CA10: variants seen among roughly 807,000 people sequenced by gnomAD.
The protein encoded by CA10 is carbonic anhydrase 10 (inactive).
CA10 carries 14 observed loss-of-function variants against 44.2 expected under a neutral mutation model. The observed-to-expected ratio is 0.32, with a 90% confidence interval of 0.21 to 0.50. The LOEUF (loss-of-function observed/expected upper bound fraction) is 0.50. CA10 is among the 20% of genes least tolerant of loss of function. CA10 has a pLI of 0.99. For missense variants in CA10, 350 were observed against 409.7 expected (o/e 0.85, Z 1.26); for synonymous variants, 159 against 141.6 (o/e 1.12, Z -0.87).
chr17:52,030,481 CA>C (rs1986432901), intron 2 of CA10, among the ~76,000 whole-genome samples: 1 of 152,150 alleles, frequency 6.6e-6, no homozygotes, highest in South Asian at 2.1e-4. Context: ...AATGGAAGCA[CA>C]GGAGGCACAA....
At chr17:51,671,891 T>C (rs934613904) in intron 4 of CA10, among the ~76,000 whole-genome samples, 7 of 152,216 alleles carry the variant, frequency 4.6e-5, no homozygotes, top group Non-Finnish European at 8.8e-5. Flanking sequence ...CATTAAAATA[T>C]GGGCTTGACT....
chr17:51,786,306 CT>C (rs1906281162), intron 3 of CA10, among the ~76,000 whole-genome samples: 1 of 151,882 alleles, frequency 6.6e-6, no homozygotes, highest in Non-Finnish European at 1.5e-5. Context: ...AATCCCAGCA[CT>C]TTGGGAGGCT....
In CA10 at chr17:51,691,621, TA is replaced by T. The variant is rs377135337; in HGVS notation, c.466-37886del. On this transcript the variant is annotated intron_variant, in intron 4 of 8. Transcript: ENST00000451037. ...TTGCTTGTGCTTTTGTGTTCATATA[TA>T]AAAAAAATCATTGCCTAAACTAATG... is the stretch of plus-strand genomic sequence containing the variant. 2.0e-5 allele frequency among the ~76,000 whole-genome samples: 3 copies of T among 152,058 alleles called. 1 individual carries two copies. The highest frequency in any genetic ancestry group is 2.0e-4 in the Admixed American group (3 of 15,278).
At position 51,822,449 on chromosome 17, in the gene CA10, AAAAC is replaced by A. The variant is rs1432773615; in HGVS notation, c.280-74635_280-74632del. ...AAACAAAAACAAAAACAAAAACAAA[AAAAC>A]AAACAAAAAACAAAAAAACCATCCT... On this transcript the variant is annotated intron_variant, in intron 3 of 8. Transcript: ENST00000451037. Among the ~76,000 whole-genome samples, 9 of 152,044 alleles carry A rather than the reference AAAAC, an allele frequency of 5.9e-5. No homozygotes were observed. In the Middle Eastern group the frequency reaches 0.01, roughly 172 times the overall value.
intron 3 of CA10, among the ~76,000 whole-genome samples, chr17:51,874,209 T>C (rs527412798): frequency 6.6e-6 from 1 of 152,144 alleles, no homozygotes; most frequent in Non-Finnish European, 1.5e-5. Context: ...TACCAAACAA[T>C]ATTACAAGAC....
chr17:52,158,119 G>GGCGGCA lies in CA10; in HGVS notation c.-339_-334dup, dbSNP rs2143433290. On this transcript the variant is annotated 5_prime_UTR_variant, in exon 1 of 9. Coordinates refer to ENST00000451037, the MANE Select transcript of CA10 (RefSeq NM_020178.5). Reference sequence around the variant, plus strand: ...CACTAGCAGCGGCGGCGGCGGCGGCGGCGGCAGCAGCCACCTGAAGCCACC... The same window carrying GGCGGCA: ...CACTAGCAGCGGCGGCGGCGGCGGCGGCGGCAGCGGCAGCAGCCACCTGAAGCCACC... The GGCGGCA allele has an allele frequency of 8.8e-6, 4 of 456,998 alleles. No homozygotes were observed. Among genetic ancestry groups the GGCGGCA allele is most frequent in the South Asian group, 8.1e-5 (4 of 49,172 alleles). 28.3% of individuals were successfully genotyped at this position (456,998 alleles called of 1,614,324 possible). A position where few individuals can be genotyped will look rare whatever the true frequency, so the allele number is the denominator to read the frequency against.
chr17:51,757,917 C>A (rs901788592), intron 3 of CA10, among the ~76,000 whole-genome samples: 3 of 151,650 alleles, frequency 2.0e-5, no homozygotes, highest in Non-Finnish European at 4.4e-5. Context: ...ATATTTGGAG[C>A]TCGTAGGCTG....
intron 2 of CA10, among the ~76,000 whole-genome samples, chr17:51,959,047 C>A (rs1465322952): frequency 6.6e-6 from 1 of 151,974 alleles, no homozygotes; most frequent in East Asian, 1.9e-4. Flanking sequence ...CCAGCTTGGA[C>A]TCTAGGACAG....
In CA10 at chr17:52,059,031, C is replaced by T. The variant is rs910153123; in HGVS notation, c.136+13288G>A. 1.3e-5 allele frequency among the ~76,000 whole-genome samples: 2 copies of T among 152,072 alleles called. 1 individual carries two copies. The highest frequency in any genetic ancestry group is 4.8e-5 in the African/African-American group (2 of 41,422). ...GGGGAAAAGAAATAACAAAGTATTT[C>T]TAATTGAGGGTGAGTCAGTGTAACA... On this transcript the variant is annotated intron_variant, in intron 2 of 8. Transcript: ENST00000451037.
chr17:51,770,949 C>A (rs1424124020), intron 3 of CA10, among the ~76,000 whole-genome samples: 3 of 151,672 alleles, frequency 2.0e-5, no homozygotes, highest in African/African-American at 7.3e-5. Flanking sequence ...CATGGTGAAA[C>A]CCCATCTCTA....
intron 3 of CA10, among the ~76,000 whole-genome samples, chr17:51,883,210 A>T (rs940614766): frequency 3.9e-5 from 6 of 152,164 alleles, no homozygotes; most frequent in African/African-American, 1.4e-4. Flanking sequence ...ATAAACACTC[A>T]TGCAAATCAA....
At chr17:52,033,056 A>G (rs1457253866) in intron 2 of CA10, among the ~76,000 whole-genome samples, 3 of 152,190 alleles carry the variant, frequency 2.0e-5, no homozygotes, top group South Asian at 2.1e-4. Flanking sequence ...CAACTACAAC[A>G]TGGATTTGGA....
chr17:51,964,025 C>T (rs370544552), intron 2 of CA10, among the ~76,000 whole-genome samples: 3 of 152,150 alleles, frequency 2.0e-5, no homozygotes, highest in South Asian at 4.1e-4. Flanking sequence ...AGACCCATCT[C>T]AAACATAAAC....
At chr17:51,934,368 C>A (rs1232903401) in intron 2 of CA10, among the ~76,000 whole-genome samples, 2 of 80,206 alleles carry the variant, frequency 2.5e-5, no homozygotes, top group African/African-American at 4.2e-5. Context: ...CTGCTCTAAA[C>A]CCCTTCCTCT....
chr17:51,849,059 C>T (rs1320800343), intron 3 of CA10, among the ~76,000 whole-genome samples: 3 of 149,716 alleles, frequency 2.0e-5, no homozygotes, highest in Non-Finnish European at 4.4e-5. Flanking sequence ...CTATCTCTGT[C>T]TCTCTTTATA....
chr17:51,771,047 C>G (rs1397350114), intron 3 of CA10, among the ~76,000 whole-genome samples: 4 of 147,788 alleles, frequency 2.7e-5, no homozygotes, highest in African/African-American at 5.0e-5. Flanking sequence ...TCGCTTGAAC[C>G]CAGGAAGCGG....
chr17:51,994,814 A>G (rs1490935591), intron 2 of CA10, among the ~76,000 whole-genome samples: 1 of 146,824 alleles, frequency 6.8e-6, no homozygotes, highest in Non-Finnish European at 1.5e-5. Flanking sequence ...TGAATGATTT[A>G]AATATTTTAT....
chr17:51,886,979 C>A (rs1324993740), intron 3 of CA10, among the ~76,000 whole-genome samples: 1 of 152,166 alleles, frequency 6.6e-6, no homozygotes, highest in Non-Finnish European at 1.5e-5. Context: ...CTGCTCTATT[C>A]TCATGCCTTT....
At chr17:52,025,087 G>A (rs1986258859) in intron 2 of CA10, among the ~76,000 whole-genome samples, 1 of 151,520 alleles carries the variant, frequency 6.6e-6, no homozygotes, top group Non-Finnish European at 1.5e-5. Context: ...CCAACCCCTG[G>A]TCCATGGAAA....
Sources: allele counts gnomAD v4.1 joint callset (sites outside exome capture counted in the v4.1 genomes callset), GRCh38; gene constraint gnomAD v4.1.1; transcripts MANE v1.5; gene names NCBI Gene and HGNC (gene_info 2026-07-23, HGNC 2026-07-21).